The following NXPH1 variants were observed in gnomAD, a reference collection of about 807,000 sequenced individuals.
NXPH1 encodes the protein neurexophilin 1, also known as neurexophilin-1.
NXPH1 carries 5 observed loss-of-function variants against 23.7 expected under a neutral mutation model. The observed-to-expected ratio is 0.21, with a 90% confidence interval of 0.11 to 0.44. The LOEUF (loss-of-function observed/expected upper bound fraction) is 0.44. Ranked by LOEUF, NXPH1 falls within the 20% of genes least tolerant of loss-of-function variation. The pLI is 0.99. For missense variants in NXPH1, 324 were observed against 321.6 expected (o/e 1.01, Z -0.06); for synonymous variants, 144 against 122.2 (o/e 1.18, Z -1.18).
intron 2 of NXPH1, among the ~76,000 whole-genome samples, chr7:8,692,754 G>A (rs1369101413): frequency 6.6e-6 from 1 of 152,070 alleles, no homozygotes; most frequent in African/African-American, 2.4e-5. Context: ...ACATTTTTGT[G>A]CTATTTAGAA....
intron 2 of NXPH1, among the ~76,000 whole-genome samples, chr7:8,490,297 C>G (rs1451614038): frequency 6.6e-6 from 1 of 151,982 alleles, no homozygotes; most frequent in Non-Finnish European, 1.5e-5. Context: ...GAATGGTAAT[C>G]TAATGAGTAC....
In NXPH1 at chr7:8,751,108, A is replaced by T. The variant is rs1357065233; in HGVS notation, c.155A>T (p.Asp52Val). 1 of 1,613,854 alleles carries T rather than the reference A, an allele frequency of 6.2e-7. No homozygotes were observed. ...LKHIWTESSK[D>V]LSISRLLSQT... Reference sequence around the variant, plus strand: ...CACATATGGACAGAAAGCAGCAAAGACTTGTCTATCAGCCGACTCCTGTCA... The same window carrying T: ...CACATATGGACAGAAAGCAGCAAAGTCTTGTCTATCAGCCGACTCCTGTCA... Residue 52 changes from aspartate to valine, a missense_variant, in exon 3 of 3, where the codon GAC becomes GTC. By Grantham distance (152) the Asp-to-Val change is radical (BLOSUM62 -3). Transcript: ENST00000405863. The surrounding 1 kb of genome is among the most constrained non-coding windows in gnomAD (Gnocchi z 4.5).
intron 2 of NXPH1, among the ~76,000 whole-genome samples, chr7:8,449,118 C>T (rs1218951696): frequency 3.3e-5 from 5 of 152,224 alleles, no homozygotes; most frequent in Admixed American, 1.3e-4. Flanking sequence ...GTCCAGGGGC[C>T]TTTGGCCAGG....
At chr7:8,538,825 G>T (rs79847596) in intron 2 of NXPH1, among the ~76,000 whole-genome samples, 1 of 151,932 alleles carries the variant, frequency 6.6e-6, no homozygotes, top group Non-Finnish European at 1.5e-5. Flanking sequence ...CGGTAAAGCT[G>T]AAGTCCCAGA....
At chr7:8,597,039 A>G (rs1472345972) in intron 2 of NXPH1, among the ~76,000 whole-genome samples, 1 of 152,116 alleles carries the variant, frequency 6.6e-6, no homozygotes, top group Non-Finnish European at 1.5e-5. Flanking sequence ...GAGGATAAAG[A>G]GAGCCCTTCC....
chr7:8,489,012 T>C (rs1415076712), intron 2 of NXPH1, among the ~76,000 whole-genome samples: 1 of 152,146 alleles, frequency 6.6e-6, no homozygotes, highest in Non-Finnish European at 1.5e-5. Flanking sequence ...GACTCAAACC[T>C]TTCAGAGGCA....
chr7:8,514,097 T>C (rs1817654189), intron 2 of NXPH1, among the ~76,000 whole-genome samples: 1 of 152,158 alleles, frequency 6.6e-6, no homozygotes, highest in Non-Finnish European at 1.5e-5. Flanking sequence ...AATCATCTCA[T>C]CTTTGCTAAT....
intron 2 of NXPH1, among the ~76,000 whole-genome samples, chr7:8,519,329 A>G (rs73678046): frequency 0.018 from 2,774 of 152,300 alleles, 75 homozygotes; most frequent in African/African-American, 0.061. Flanking sequence ...TCCTATGTAG[A>G]CAGTCCCTAA....
chr7:8,443,870 A>G (rs1273469946), intron 2 of NXPH1, among the ~76,000 whole-genome samples: 1 of 152,036 alleles, frequency 6.6e-6, no homozygotes, highest in Non-Finnish European at 1.5e-5. Flanking sequence ...AACAACGACG[A>G]ACAACCGCCC....
chr7:8,672,494 A>G (rs1422301756), intron 2 of NXPH1, among the ~76,000 whole-genome samples: 1 of 152,118 alleles, frequency 6.6e-6, no homozygotes, highest in African/African-American at 2.4e-5. Flanking sequence ...TAAAAAAACC[A>G]TAAAACACAC....
At chr7:8,486,224 G>A (rs900570757) in intron 2 of NXPH1, among the ~76,000 whole-genome samples, 6 of 152,152 alleles carry the variant, frequency 3.9e-5, no homozygotes, top group Non-Finnish European at 7.3e-5. Flanking sequence ...CAGCCACAGG[G>A]AGCAAAATGG....
At chr7:8,643,127 T>G (rs977969267) in intron 2 of NXPH1, among the ~76,000 whole-genome samples, 2 of 151,996 alleles carry the variant, frequency 1.3e-5, no homozygotes, top group Non-Finnish European at 2.9e-5. Context: ...TCTCCCAAAG[T>G]GCTGGGATTA....
intron 2 of NXPH1, among the ~76,000 whole-genome samples, chr7:8,468,133 G>A (rs1172286912): frequency 1.3e-5 from 2 of 152,014 alleles, no homozygotes; most frequent in African/African-American, 4.8e-5. Flanking sequence ...CTAAAACAAA[G>A]CAGGCTATAG....
At chr7:8,599,318 G>A (rs142716704) in intron 2 of NXPH1, among the ~76,000 whole-genome samples, 9 of 152,158 alleles carry the variant, frequency 5.9e-5, no homozygotes, top group African/African-American at 1.9e-4. Flanking sequence ...TACGCTCTAC[G>A]ATTTCATCTT....
intron 2 of NXPH1, among the ~76,000 whole-genome samples, chr7:8,717,466 A>G (rs554993649): frequency 4.6e-5 from 7 of 152,296 alleles, no homozygotes; most frequent in South Asian, 4.1e-4. Context: ...TAATGTGTGG[A>G]TTAAAAAAAA....
At chr7:8,716,149 T>TA (rs1177108832) in intron 2 of NXPH1, among the ~76,000 whole-genome samples, 1 of 152,162 alleles carries the variant, frequency 6.6e-6, no homozygotes, top group East Asian at 1.9e-4. Context: ...AAATTATCCT[T>TA]AAAACTCCTT....
intron 2 of NXPH1, among the ~76,000 whole-genome samples, chr7:8,679,067 C>A (rs1350737828): frequency 6.6e-6 from 1 of 150,882 alleles, no homozygotes; most frequent in Admixed American, 6.6e-5. Context: ...CCTGCCTCAA[C>A]CTCCCGAGTA....
intron 2 of NXPH1, among the ~76,000 whole-genome samples, chr7:8,486,736 T>C (rs1299623159): frequency 6.6e-6 from 1 of 152,186 alleles, no homozygotes; most frequent in Non-Finnish European, 1.5e-5. Context: ...ATTCCTGGCA[T>C]ACATAATGTT....
chr7:8,473,162 A>T (rs1816896752), intron 2 of NXPH1, among the ~76,000 whole-genome samples: 2 of 152,178 alleles, frequency 1.3e-5, no homozygotes, highest in South Asian at 2.1e-4. Context: ...TTTTCAGGGA[A>T]CACCTTTCAG....
Sources: gnomAD v4.1 joint callset for allele counts (sites outside exome capture counted in the v4.1 genomes callset) on GRCh38, gnomAD v4.1.1 for gene constraint, Gnocchi (gnomAD v3.1) non-coding constraint, MANE v1.5 for transcripts, NCBI Gene and HGNC (gene_info 2026-07-23, HGNC 2026-07-21) for gene names.